The following TMPRSS15 variants were observed in gnomAD, a reference collection of about 807,000 sequenced individuals.
TMPRSS15 encodes transmembrane serine protease 15.
Under a neutral mutation model 125.3 loss-of-function variants are expected in TMPRSS15, and 128 were observed. The observed-to-expected ratio is 1.02, with a 90% confidence interval of 0.89 to 1.18. TMPRSS15 has a LOEUF of 1.18. Among genes scored for constraint, TMPRSS15 ranks in the 50% most tolerant of loss-of-function variants. TMPRSS15 has a pLI of 0.00. For synonymous variants in TMPRSS15, 446 were observed against 423.2 expected, an observed-to-expected ratio of 1.05 and a Z score of -0.66; for missense variants, 1,283 against 1,212.7, an observed-to-expected ratio of 1.06 and a Z score of -0.86.
chr21:18,284,742 T>C (rs984544612), intron 21 of TMPRSS15, among the ~76,000 whole-genome samples: 1 of 152,156 alleles, frequency 6.6e-6, no homozygotes, highest in South Asian at 2.1e-4. Context: ...CAGATAGAAG[T>C]TGGCTGAATT....
chr21:18,279,616 G>A (rs1371327260), intron 22 of TMPRSS15, among the ~76,000 whole-genome samples: 1 of 151,568 alleles, frequency 6.6e-6, no homozygotes, highest in Non-Finnish European at 1.5e-5. Flanking sequence ...TTACAGGTGT[G>A]AGCCACCGCA....
At chr21:18,370,322 TAAC>T in intron 6 of TMPRSS15, among the ~76,000 whole-genome samples, 1 of 152,278 alleles carries the variant, frequency 6.6e-6, no homozygotes, top group South Asian at 2.1e-4. Context: ...ATGAGCATAA[TAAC>T]AAAATAATAG....
intron 12 of TMPRSS15, 76 bp from the exon 13 acceptor site, chr21:18,341,624 AAGAGATTCAATATTGTCT>A (rs1288028538): frequency 3.4e-6 from 5 of 1,473,708 alleles, no homozygotes; most frequent in Non-Finnish European, 4.7e-6. Context: ...TTGTGAGCCC[AAGAGATTCAATATTGTCT>A]AGAGATTCAA....
chr21:18,319,789 C>T (rs750855383), intron 16 of TMPRSS15, among the ~76,000 whole-genome samples: 34 of 152,100 alleles, frequency 2.2e-4, no homozygotes, highest in African/African-American at 7.2e-4. Flanking sequence ...TTTCTCCCTA[C>T]GAATAACAAA....
At chr21:18,418,321 T>C (rs1213343220) in intron 1 of TMPRSS15, among the ~76,000 whole-genome samples, 1 of 152,208 alleles carries the variant, frequency 6.6e-6, no homozygotes, top group Non-Finnish European at 1.5e-5. Flanking sequence ...TCTTTCTGCA[T>C]CTCTTATCAT....
chr21:18,404,459 G>A (rs187073974), upstream of TMPRSS15, among the ~76,000 whole-genome samples: 312 of 152,176 alleles, frequency 2.1e-3, no homozygotes, highest in South Asian at 6.6e-3. Flanking sequence ...ATGCCAATTA[G>A]AACAAGAGAA....
intron 18 of TMPRSS15, 116 bp from the exon 19 acceptor site, chr21:18,297,945 C>CA (rs2074925919): frequency 7.0e-6 from 5 of 710,180 alleles, no homozygotes; most frequent in Non-Finnish European, 1.2e-5. Flanking sequence ...GGATACCAGC[C>CA]AAAAAAATGA....
At chr21:18,392,378 G>A (rs2075998163) in intron 3 of TMPRSS15, among the ~76,000 whole-genome samples, 1 of 152,158 alleles carries the variant, frequency 6.6e-6, no homozygotes, top group Non-Finnish European at 1.5e-5. Flanking sequence ...CTCTAGGGCA[G>A]GGGCAAAATG....
chr21:18,361,948 T>C (rs1455916609), intron 7 of TMPRSS15, among the ~76,000 whole-genome samples: 2 of 151,992 alleles, frequency 1.3e-5, no homozygotes, highest in Non-Finnish European at 2.9e-5. Flanking sequence ...ATTCAGCAGT[T>C]CCAGAGTGTA....
In TMPRSS15 at chr21:18,341,482, A is replaced by G. The variant is rs2075445328; in HGVS notation, c.1495T>C (p.Tyr499His). 6.2e-7 allele frequency: 1 copy of G among 1,614,164 alleles called. No individual in the cohort carries two copies. The highest frequency in any genetic ancestry group is 1.7e-5 in the Admixed American group (1 of 60,024). Residue 499 changes from tyrosine to histidine, a missense_variant, in exon 13 of 25, where the codon TAT becomes CAT. Coordinates refer to ENST00000284885, the MANE Select transcript of TMPRSS15 (RefSeq NM_002772.3). Reference protein sequence around the residue: ...DIALDDISLTYGICNGSLYPE... With the variant: ...DIALDDISLTHGICNGSLYPE... ...TAAAGACTCCCATTGCAAATCCCAT[A>G]TGTTAGGCTAATGTCATCCAACGCA... is the stretch of plus-strand genomic sequence containing the variant.
At chr21:18,306,902 A>C (rs2075045012) in intron 18 of TMPRSS15, among the ~76,000 whole-genome samples, 1 of 151,230 alleles carries the variant, frequency 6.6e-6, no homozygotes, top group Non-Finnish European at 1.5e-5. Flanking sequence ...AATGATAGGA[A>C]ATGAAAAGGT....
At chr21:18,452,952 G>A (rs990292313) in intron 1 of TMPRSS15, among the ~76,000 whole-genome samples, 4 of 151,986 alleles carry the variant, frequency 2.6e-5, no homozygotes, top group Admixed American at 6.6e-5. Flanking sequence ...TAGTATGAAC[G>A]TGCAACATAA....
chr21:18,479,191 T>C (rs1430579312), intron 1 of TMPRSS15, among the ~76,000 whole-genome samples: 2 of 152,004 alleles, frequency 1.3e-5, no homozygotes, highest in African/African-American at 4.8e-5. Flanking sequence ...TCTTTCTGCA[T>C]AATACTTTCA....
chr21:18,353,201 T>C (rs887959875), intron 9 of TMPRSS15, 149 bp from the exon 10 acceptor site: 2 of 758,246 alleles, frequency 2.6e-6, no homozygotes, highest in Admixed American at 3.0e-5. Context: ...CTTAACTCTG[T>C]TGCATTCTAT....
chr21:18,383,904 G>A, intron 3 of TMPRSS15, 126 bp from the exon 4 acceptor site: 1 of 1,103,734 alleles, frequency 9.1e-7, no homozygotes, highest in Non-Finnish European at 1.3e-6. Context: ...TTATACCTGT[G>A]TAAGGTAGTC....
intron 13 of TMPRSS15, among the ~76,000 whole-genome samples, chr21:18,334,969 C>G (rs567964820): frequency 5.9e-5 from 9 of 152,134 alleles, no homozygotes; most frequent in African/African-American, 2.2e-4. Flanking sequence ...CATGGGGTGC[C>G]GAGGAAGGCA....
intron 8 of TMPRSS15, among the ~76,000 whole-genome samples, chr21:18,357,723 T>C (rs1354751856): frequency 6.6e-6 from 1 of 151,806 alleles, no homozygotes; most frequent in East Asian, 1.9e-4. Context: ...TGGGAAATAC[T>C]GCTTGTTTCC....
chr21:18,284,121 C>A (rs768416983), intron 21 of TMPRSS15, among the ~76,000 whole-genome samples: 4 of 152,084 alleles, frequency 2.6e-5, no homozygotes, highest in Admixed American at 6.6e-5. Context: ...TATCTATGAG[C>A]AGCACCATGG....
chr21:18,480,704 A>G (rs1243671029), intron 1 of TMPRSS15, among the ~76,000 whole-genome samples: 4 of 151,772 alleles, frequency 2.6e-5, no homozygotes, highest in Non-Finnish European at 2.9e-5. Flanking sequence ...AATCTAAGCA[A>G]TGGGTAGTTA....
Sources: gnomAD v4.1 joint callset for allele counts (sites outside exome capture counted in the v4.1 genomes callset) on GRCh38, gnomAD v4.1.1 for gene constraint, MANE v1.5 for transcripts, NCBI Gene and HGNC (gene_info 2026-07-23, HGNC 2026-07-21) for gene names.